KCNIP4: variants seen among roughly 807,000 people sequenced by gnomAD.
KCNIP4 encodes Kv channel-interacting protein 4.
Under a neutral mutation model 34.0 loss-of-function variants are expected in KCNIP4, and 12 were observed. The ratio of observed to expected loss-of-function variants is 0.35; its 90% CI spans 0.23 to 0.57. KCNIP4 has a LOEUF of 0.57. Among genes scored for constraint, KCNIP4 ranks in the 20% least tolerant of loss-of-function variants. The probability of loss-of-function intolerance (pLI) is 0.83; values close to 1 mark genes in which losing one functional copy is unlikely to be tolerated. For missense variants in KCNIP4, 238 were observed against 311.7 expected (o/e 0.76, Z 1.78); for synonymous variants, 124 against 102.2 (o/e 1.21, Z -1.29).
intron 1 of KCNIP4, among the ~76,000 whole-genome samples, chr4:21,428,515 G>C (rs978992536): frequency 2.6e-5 from 4 of 152,162 alleles, no homozygotes; most frequent in Non-Finnish European, 5.9e-5. Flanking sequence ...AACCACTACA[G>C]CTGACATGAG....
intron 1 of KCNIP4, chr4:21,613,760 A>C (rs551305486): frequency 4.3e-4 from 66 of 152,270 alleles, no homozygotes; most frequent in African/African-American, 1.6e-3. Flanking sequence ...CCATGCATTT[A>C]TTTACATGTG....
intron 1 of KCNIP4, among the ~76,000 whole-genome samples, chr4:21,377,788 G>C (rs1721098510): frequency 6.6e-6 from 1 of 152,188 alleles, no homozygotes; most frequent in Non-Finnish European, 1.5e-5. Flanking sequence ...ACATATTATA[G>C]TTCCTCTGGT....
chr4:21,888,315 AGG>A (rs1726902317), intron 1 of KCNIP4, among the ~76,000 whole-genome samples: 1 of 152,146 alleles, frequency 6.6e-6, no homozygotes. Flanking sequence ...TTACTCATGG[AGG>A]TCCTCTGTGG....
intron 1 of KCNIP4, among the ~76,000 whole-genome samples, chr4:21,701,072 T>C (rs901676611): frequency 1.3e-5 from 2 of 152,184 alleles, no homozygotes; most frequent in Non-Finnish European, 2.9e-5. Context: ...TATTCAGCCT[T>C]ATACAAATTA....
At chr4:21,865,790 G>C (rs2109357888) in intron 1 of KCNIP4, among the ~76,000 whole-genome samples, 1 of 151,976 alleles carries the variant, frequency 6.6e-6, no homozygotes, top group East Asian at 2.0e-4. Context: ...TGATCTACCT[G>C]CCTTGGTCTC....
intron 1 of KCNIP4, among the ~76,000 whole-genome samples, chr4:21,110,346 G>A (rs1461669583): frequency 6.6e-6 from 1 of 152,158 alleles, no homozygotes; most frequent in Non-Finnish European, 1.5e-5. Context: ...TATAAATGAA[G>A]CTTCCACAGC....
At chr4:21,925,891 G>A (rs61152960) in intron 1 of KCNIP4, among the ~76,000 whole-genome samples, 38,242 of 152,044 alleles carry the variant, frequency 0.25, 5,799 homozygotes, top group East Asian at 0.62. Context: ...GGACACTGGA[G>A]CTGGAAGACC....
chr4:21,026,035 AT>A (rs1232663616), intron 1 of KCNIP4, among the ~76,000 whole-genome samples: 1 of 152,154 alleles, frequency 6.6e-6, no homozygotes, highest in Non-Finnish European at 1.5e-5. Context: ...GGCCCTGAAA[AT>A]AAAAACAAGT....
At chr4:21,103,974 C>G (rs990261496) in intron 1 of KCNIP4, among the ~76,000 whole-genome samples, 1 of 151,970 alleles carries the variant, frequency 6.6e-6, no homozygotes, top group African/African-American at 2.4e-5. Flanking sequence ...TTTCTTAATC[C>G]AGTCTATCAT....
At chr4:20,815,810 C>A (rs890590812) in intron 3 of KCNIP4, among the ~76,000 whole-genome samples, 1 of 152,184 alleles carries the variant, frequency 6.6e-6, no homozygotes, top group African/African-American at 2.4e-5. Context: ...GTATTTTCAG[C>A]TAGTCATCAT....
chr4:21,375,071 T>A (rs1354452123), intron 1 of KCNIP4, among the ~76,000 whole-genome samples: 1 of 147,492 alleles, frequency 6.8e-6, no homozygotes, highest in Admixed American at 6.6e-5. Context: ...ATTTAGAGGG[T>A]GTGTGCAAAC....
intron 3 of KCNIP4, among the ~76,000 whole-genome samples, chr4:20,774,132 T>C (rs1256662411): frequency 6.6e-6 from 1 of 152,204 alleles, no homozygotes; most frequent in Non-Finnish European, 1.5e-5. Context: ...ATGTCTAGCG[T>C]CGTGCCTGGA....
chr4:21,695,434 T>A (rs1328870448), intron 1 of KCNIP4, among the ~76,000 whole-genome samples: 1 of 151,924 alleles, frequency 6.6e-6, no homozygotes, highest in Non-Finnish European at 1.5e-5. Context: ...CTTCTTCTTT[T>A]TTTTTTTCCT....
intron 1 of KCNIP4, among the ~76,000 whole-genome samples, chr4:21,477,568 C>T (rs1217420674): frequency 6.6e-6 from 1 of 152,126 alleles, no homozygotes; most frequent in East Asian, 1.9e-4. Flanking sequence ...GTAGCCTTGC[C>T]ATGGACAAAG....
Position 21,046,864 on chromosome 4 carries a change from A to T in KCNIP4, c.62-164155T>A, listed in dbSNP as rs562136880. Among the ~76,000 whole-genome samples, 3 of 152,296 alleles carry T rather than the reference A, an allele frequency of 2.0e-5. No individual in the cohort carries two copies. In the South Asian group the frequency reaches 6.2e-4, roughly 32 times the overall value. ...CCTCCTGGCCTTCCAAAGTGCTGGG[A>T]TTACAGGCGTCAGCCACCGCGCCTG... On this transcript the variant is annotated intron_variant, in intron 1 of 8. Coordinates refer to ENST00000382152, the MANE Select transcript of KCNIP4 (RefSeq NM_025221.6).
intron 1 of KCNIP4, among the ~76,000 whole-genome samples, chr4:21,174,434 T>C (rs1322972147): frequency 6.6e-6 from 1 of 152,184 alleles, no homozygotes; most frequent in Non-Finnish European, 1.5e-5. Context: ...ATTATAAATT[T>C]GTAGGGGATT....
intron 1 of KCNIP4, among the ~76,000 whole-genome samples, chr4:21,468,413 G>A (rs1273141612): frequency 6.6e-6 from 1 of 152,114 alleles, no homozygotes; most frequent in Non-Finnish European, 1.5e-5. Context: ...AAGACTGCTC[G>A]CAATCTCCAA....
chr4:20,957,833 T>G (rs1733470209), intron 1 of KCNIP4, among the ~76,000 whole-genome samples: 1 of 152,194 alleles, frequency 6.6e-6, no homozygotes, highest in Admixed American at 6.5e-5. Flanking sequence ...TATCTAAAAA[T>G]AATGGTATAA....
intron 1 of KCNIP4, among the ~76,000 whole-genome samples, chr4:21,180,940 G>A (rs1754794677): frequency 6.6e-6 from 1 of 152,094 alleles, no homozygotes; most frequent in African/African-American, 2.4e-5. Context: ...AGGGGAGGAT[G>A]TGTTAATCTG....
Sources: gnomAD v4.1 joint callset for allele counts (sites outside exome capture counted in the v4.1 genomes callset) on GRCh38, gnomAD v4.1.1 for gene constraint, MANE v1.5 for transcripts, NCBI Gene and HGNC (gene_info 2026-07-23, HGNC 2026-07-21) for gene names.